The following CNTN5 variants were observed in gnomAD, a reference collection of about 807,000 sequenced individuals.
CNTN5 encodes contactin-5.
Under a neutral mutation model 129.1 loss-of-function variants are expected in CNTN5, and 77 were observed. That is an observed-to-expected ratio of 0.60 (90% CI 0.50 to 0.72). The LOEUF (loss-of-function observed/expected upper bound fraction) is 0.72, where lower values mean the gene tolerates loss of function less well. Among genes scored for constraint, CNTN5 ranks in the 30% least tolerant of loss-of-function variants. The probability of loss-of-function intolerance (pLI) is 0.00; values close to 1 mark genes in which losing one functional copy is unlikely to be tolerated. For synonymous variants in CNTN5, 509 were observed against 465.6 expected (o/e 1.09, Z -1.20); for missense variants, 1,478 against 1,328.8 (o/e 1.11, Z -1.75).
chr11:99,358,571 A>C lies in CNTN5; in HGVS notation c.-71+33087A>C, dbSNP rs377103749. On this transcript the variant is annotated intron_variant, in intron 2 of 24. Transcript: ENST00000524871. ...CAAGACTCCATCTCAAAAACAAAAT[A>C]AAAATAAAAATAAATTGTCATTCTT... is the stretch of plus-strand genomic sequence containing the variant. 1.4e-4 allele frequency among the ~76,000 whole-genome samples: 21 copies of C among 152,076 alleles called. No individual in the cohort carries two copies. In the East Asian group the frequency reaches 4.1e-3, roughly 30 times the overall value.
At chr11:99,839,436 T>C (rs1157694280) in intron 4 of CNTN5, among the ~76,000 whole-genome samples, 1 of 152,016 alleles carries the variant, frequency 6.6e-6, no homozygotes, top group East Asian at 1.9e-4. Flanking sequence ...TTTTTCAATC[T>C]AAGTTTTTGT....
At chr11:100,050,216 G>A (rs190853037) in intron 9 of CNTN5, among the ~76,000 whole-genome samples, 8,772 of 152,166 alleles carry the variant, frequency 0.058, 332 homozygotes, top group Middle Eastern at 0.11. Context: ...CAAAGAATTG[G>A]AACCAACCCA....
At chr11:99,242,142 A>C (rs1313213788) in intron 1 of CNTN5, among the ~76,000 whole-genome samples, 1 of 152,176 alleles carries the variant, frequency 6.6e-6, no homozygotes, top group Non-Finnish European at 1.5e-5. Flanking sequence ...TGGCAGAAGG[A>C]TTTGCCAAGA....
intron 2 of CNTN5, among the ~76,000 whole-genome samples, chr11:99,542,558 A>G (rs1164130040): frequency 6.6e-6 from 1 of 152,176 alleles, no homozygotes; most frequent in Non-Finnish European, 1.5e-5. Context: ...TTTTGCGCCA[A>G]CTTAACACAA....
intron 2 of CNTN5, among the ~76,000 whole-genome samples, chr11:99,433,332 A>G (rs549847283): frequency 7.2e-6 from 1 of 139,798 alleles, no homozygotes; most frequent in South Asian, 2.5e-4. Context: ...AAAAAACTGT[A>G]ATCATAATTT....
At chr11:100,255,058 A>G (rs1411545724) in intron 16 of CNTN5, among the ~76,000 whole-genome samples, 1 of 152,182 alleles carries the variant, frequency 6.6e-6, no homozygotes, top group Non-Finnish European at 1.5e-5. Flanking sequence ...ATAATATTCT[A>G]TACCATTCTT....
chr11:99,705,067 C>T (rs545394091), intron 3 of CNTN5, among the ~76,000 whole-genome samples: 7 of 151,378 alleles, frequency 4.6e-5, no homozygotes, highest in Non-Finnish European at 8.9e-5. Flanking sequence ...AAAAAATTAG[C>T]TGTATCTTCC....
chr11:100,318,172 C>T (rs944278587), intron 21 of CNTN5, among the ~76,000 whole-genome samples: 2 of 148,354 alleles, frequency 1.3e-5, no homozygotes, highest in Non-Finnish European at 1.5e-5. Flanking sequence ...ACCCGGGAGG[C>T]CGAACTTGCA....
intron 11 of CNTN5, among the ~76,000 whole-genome samples, chr11:100,070,995 T>TA (rs1943900853): frequency 6.6e-6 from 1 of 152,160 alleles, no homozygotes; most frequent in South Asian, 2.1e-4. Flanking sequence ...AAGAGTTTTT[T>TA]TTTTAATGAT....
chr11:99,054,588 C>G (rs7109763), intron 1 of CNTN5, among the ~76,000 whole-genome samples: 53,118 of 151,496 alleles, frequency 0.35, 11,122 homozygotes, highest in African/African-American at 0.56. Context: ...TTTTCCAAAG[C>G]GTTCCTTAAT....
intron 8 of CNTN5, among the ~76,000 whole-genome samples, chr11:99,994,017 C>T (rs1939291091): frequency 6.6e-6 from 1 of 152,164 alleles, no homozygotes; most frequent in African/African-American, 2.4e-5. Context: ...ATATTAGCAA[C>T]CTCTTGGGGC....
intron 2 of CNTN5, among the ~76,000 whole-genome samples, chr11:99,332,610 T>C (rs182444597): frequency 1.3e-5 from 2 of 152,214 alleles, no homozygotes; most frequent in East Asian, 3.9e-4. Context: ...TACTCTATTA[T>C]GGTGTACAAC....
intron 2 of CNTN5, among the ~76,000 whole-genome samples, chr11:99,514,523 GC>G (rs1479338510): frequency 6.6e-6 from 1 of 151,912 alleles, no homozygotes; most frequent in Non-Finnish European, 1.5e-5. Flanking sequence ...TTAAAAAATT[GC>G]CACAGCCATC....
At chr11:99,692,062 C>T (rs1447091900) in intron 3 of CNTN5, among the ~76,000 whole-genome samples, 10 of 152,092 alleles carry the variant, frequency 6.6e-5, no homozygotes, top group Admixed American at 5.9e-4. Context: ...AGAATTGCAA[C>T]CCCTGCTTTT....
At chr11:99,858,671 T>G (rs1948114716) in intron 6 of CNTN5, among the ~76,000 whole-genome samples, 2 of 119,328 alleles carry the variant, frequency 1.7e-5, no homozygotes, top group Admixed American at 8.2e-5. Flanking sequence ...TTTTCGAGAG[T>G]TTTTTTAAAG....
intron 13 of CNTN5, among the ~76,000 whole-genome samples, chr11:100,140,131 T>C (rs1946647963): frequency 6.6e-6 from 1 of 152,048 alleles, no homozygotes; most frequent in Non-Finnish European, 1.5e-5. Flanking sequence ...CAAAAGAAGT[T>C]GGTGTGAAAT....
chr11:100,117,252 T>A (rs1053599923), intron 13 of CNTN5, among the ~76,000 whole-genome samples: 4 of 152,064 alleles, frequency 2.6e-5, no homozygotes, highest in African/African-American at 9.6e-5. Flanking sequence ...ACCTGGGTTC[T>A]GGTATTTCTT....
intron 3 of CNTN5, among the ~76,000 whole-genome samples, chr11:99,810,037 T>A (rs1946383824): frequency 6.6e-6 from 1 of 152,132 alleles, no homozygotes. Context: ...TGCAACCATA[T>A]ATTATGCTCT....
intron 2 of CNTN5, among the ~76,000 whole-genome samples, chr11:99,432,439 C>CCTTTTCTTTCCTTTTCTTTT (rs1943413048): frequency 8.8e-6 from 1 of 113,214 alleles, no homozygotes; most frequent in African/African-American, 3.1e-5. Context: ...CCTTTTCTTT[C>CCTTTTCTTTCCTTTTCTTTT]CTTTTCTTTT....
Sources: allele counts gnomAD v4.1 joint callset (sites outside exome capture counted in the v4.1 genomes callset), GRCh38; gene constraint gnomAD v4.1.1; transcripts MANE v1.5; gene names NCBI Gene and HGNC (gene_info 2026-07-23, HGNC 2026-07-21).